EGFR: variants seen among roughly 807,000 people sequenced by gnomAD.
EGFR encodes the protein avian erythroblastic leukemia viral (v-erb-b) oncogene homolog.
In EGFR, 58 loss-of-function variants were observed where a neutral mutation model predicts 143.0. The ratio of observed to expected loss-of-function variants is 0.41; its 90% CI spans 0.33 to 0.50. EGFR has a LOEUF of 0.50. EGFR is among the 20% of genes least tolerant of loss of function. The probability of loss-of-function intolerance (pLI) is 0.39; values close to 1 mark genes in which losing one functional copy is unlikely to be tolerated. For synonymous variants in EGFR, 613 were observed against 594.4 expected, an observed-to-expected ratio of 1.03 and a Z score of -0.45; for missense variants, 1,307 against 1,579.0, an observed-to-expected ratio of 0.83 and a Z score of 2.92.
intron 20 of EGFR, among the ~76,000 whole-genome samples, chr7:55,184,781 G>C (rs995908849): frequency 2.6e-5 from 4 of 152,166 alleles, no homozygotes; most frequent in Non-Finnish European, 5.9e-5. Flanking sequence ...CTCTGTATTT[G>C]AATAGTTGCA....
intron 20 of EGFR, among the ~76,000 whole-genome samples, chr7:55,183,867 C>G (rs1423200520): frequency 1.3e-5 from 2 of 152,160 alleles, no homozygotes; most frequent in Non-Finnish European, 2.9e-5. Context: ...AGGGGGCCAA[C>G]AGTCCACAGC....
chr7:55,154,026 C>T lies in EGFR; in HGVS notation c.763C>T (p.Arg255Ter), dbSNP rs776490661. Residue 255 changes from arginine to a stop codon, truncating the protein, a stop_gained, in exon 7 of 28, where the codon CGA becomes TGA. Transcript: ENST00000275493. LOFTEE classifies it high-confidence loss of function. ...TCCTCCATAGGTCTGCCGCAAATTC[C>T]GAGACGAAGCCACGTGCAAGGACAC... ...ESDCLVCRKF[R>*]DEATCKDTCP... 6.2e-7 allele frequency: 1 copy of T among 1,614,198 alleles called. No individual in the cohort carries two copies. Among genetic ancestry groups the T allele is most frequent in the Non-Finnish European group, 8.5e-7 (1 of 1,180,042 alleles).
intron 1 of EGFR, among the ~76,000 whole-genome samples, chr7:55,020,757 C>T (rs1786516967): frequency 6.6e-6 from 1 of 152,014 alleles, no homozygotes; most frequent in Admixed American, 6.5e-5. Context: ...AAGAGCCAGG[C>T]CCGTACTTGC....
At chr7:55,031,718 A>G (rs1787258507) in intron 1 of EGFR, among the ~76,000 whole-genome samples, 2 of 152,244 alleles carry the variant, frequency 1.3e-5, no homozygotes, top group African/African-American at 2.4e-5. Context: ...AGCCAGGGAG[A>G]TAAGTAGTCA....
At chr7:55,090,228 A>G (rs1791028372) in intron 1 of EGFR, among the ~76,000 whole-genome samples, 1 of 152,120 alleles carries the variant, frequency 6.6e-6, no homozygotes, top group Non-Finnish European at 1.5e-5. Context: ...CGGCTTCCCA[A>G]AGTGCTTCAT....
intron 19 of EGFR, among the ~76,000 whole-genome samples, chr7:55,176,845 GAGAGATATATA>G (rs1289592980): frequency 3.5e-5 from 5 of 143,720 alleles, no homozygotes; most frequent in Non-Finnish European, 6.0e-5. Context: ...TATATATTTA[GAGAGATATATA>G]TTTAGAGATT....
At chr7:55,093,208 G>T (rs1425260963) in intron 1 of EGFR, among the ~76,000 whole-genome samples, 1 of 152,164 alleles carries the variant, frequency 6.6e-6, no homozygotes, top group Non-Finnish European at 1.5e-5. Flanking sequence ...TCTTCCTGCT[G>T]GAACCAAGCT....
rs538515161 is a variant in EGFR at position 55,143,532 on chromosome 7, C to T, written c.424+44C>T. Reference sequence around the variant, plus strand: ...AAGGCTGGGGGTTCATAAATGCAGACAGCAGTTCCGATGGCTCCCAGCGAG... The same window carrying T: ...AAGGCTGGGGGTTCATAAATGCAGATAGCAGTTCCGATGGCTCCCAGCGAG... On this transcript the variant is annotated intron_variant, in intron 3 of 27. Coordinates refer to ENST00000275493, the MANE Select transcript of EGFR (RefSeq NM_005228.5). The T allele has an allele frequency of 6.8e-6, 11 of 1,608,138 alleles. No individual in the cohort carries two copies. In the Admixed American group the frequency reaches 8.4e-5, roughly 12 times the overall value.
intron 1 of EGFR, among the ~76,000 whole-genome samples, chr7:55,079,517 G>A (rs1460603498): frequency 6.6e-6 from 1 of 152,210 alleles, no homozygotes; most frequent in African/African-American, 2.4e-5. Flanking sequence ...TGATGGTTGA[G>A]ACAGGCACGC....
rs367682893 is a variant in EGFR at position 55,153,991 on chromosome 7, G to A, written c.748-20G>A. 2.0e-5 allele frequency: 33 copies of A among 1,614,032 alleles called. No homozygotes were observed. The African/African-American group carries it at 3.2e-4, about 16-fold the overall frequency. On this transcript the variant is annotated intron_variant, in intron 6 of 27. Transcript: ENST00000275493. ...AGTGTACTTACCTCACTTGCCCAGC[G>A]TGTCCTCTCTCCTCCATAGGTCTGC...
intron 1 of EGFR, among the ~76,000 whole-genome samples, chr7:55,132,440 C>T (rs1793901401): frequency 1.3e-5 from 2 of 152,060 alleles, no homozygotes; most frequent in African/African-American, 2.4e-5. Context: ...TCCCCCAATT[C>T]GAATCCAGAG....
intron 20 of EGFR, among the ~76,000 whole-genome samples, chr7:55,187,026 GGTGAGA>G (rs1307494300): frequency 6.6e-6 from 1 of 152,180 alleles, no homozygotes; most frequent in South Asian, 2.1e-4. Flanking sequence ...GGCCTCTGTG[GGTGAGA>G]GTTGGCTGCG....
chr7:55,048,616 G>A (rs1788312026), intron 1 of EGFR, among the ~76,000 whole-genome samples: 2 of 152,110 alleles, frequency 1.3e-5, no homozygotes, highest in South Asian at 4.1e-4. Context: ...TCTCTCCCTG[G>A]CTGTGTGACG....
intron 1 of EGFR, among the ~76,000 whole-genome samples, chr7:55,037,239 T>C (rs977085454): frequency 7.9e-5 from 12 of 152,324 alleles, no homozygotes; most frequent in Middle Eastern, 6.8e-3. Flanking sequence ...AATAGGCATG[T>C]GTCAAATGTC....
chr7:55,025,319 G>A (rs920335693), intron 1 of EGFR, among the ~76,000 whole-genome samples: 2 of 152,172 alleles, frequency 1.3e-5, no homozygotes, highest in Non-Finnish European at 2.9e-5. Context: ...CAGGACAGGG[G>A]ACTCCGGGGC....
intron 1 of EGFR, among the ~76,000 whole-genome samples, chr7:55,048,664 A>T (rs981069264): frequency 6.6e-6 from 1 of 152,172 alleles, no homozygotes; most frequent in Admixed American, 6.5e-5. Flanking sequence ...TCAACTTCAA[A>T]ATGAGGACAG....
In EGFR at chr7:55,205,473, C is replaced by A. The variant is rs1318894874; in HGVS notation, c.3489C>A (p.His1163Gln). The change falls in exon 28 of 28, where the codon CAC (histidine) becomes CAA (glutamine). Residue 1163 changes from histidine (H) to glutamine (Q), a missense_variant. By Grantham distance (24) the His-to-Gln change is conservative. Around this residue, in one of 7 missense-constraint regions of EGFR, gnomAD observed 313 missense variants for 312.3 expected, o/e 1.00. Transcript: ENST00000275493. ...CCCACTGGGCCCAGAAAGGCAGCCA[C>A]CAAATTAGCCTGGACAACCCTGACT... ...SPAHWAQKGS[H>Q]QISLDNPDYQ... is the part of the protein sequence containing the mutation. The A allele has an allele frequency of 1.9e-6, 3 of 1,614,082 alleles. No individual in the cohort carries two copies.
chr7:55,098,911 C>T (rs976580560), intron 1 of EGFR, among the ~76,000 whole-genome samples: 3 of 152,118 alleles, frequency 2.0e-5, no homozygotes, highest in Non-Finnish European at 4.4e-5. Flanking sequence ...TCTGACTCCC[C>T]GAGTCTTCTG....
intron 20 of EGFR, among the ~76,000 whole-genome samples, chr7:55,189,745 C>T (rs1479728718): frequency 1.3e-5 from 2 of 152,052 alleles, no homozygotes; most frequent in Non-Finnish European, 2.9e-5. Context: ...GAAGAACGAA[C>T]AAAAGGTACA....
Sources: gnomAD v4.1 joint callset for allele counts (sites outside exome capture counted in the v4.1 genomes callset) on GRCh38, gnomAD v4.1.1 for gene constraint, gnomAD v4.1.1 regional missense constraint, MANE v1.5 for transcripts, NCBI Gene and HGNC (gene_info 2026-07-23, HGNC 2026-07-21) for gene names.